Variants in ACAP2 observed in about 807,000 individuals in gnomAD.
The protein encoded by ACAP2 is arf-GAP with coiled-coil, ANK repeat and PH domain-containing protein 2.
Under a neutral mutation model 115.8 loss-of-function variants are expected in ACAP2, and 39 were observed. That is an observed-to-expected ratio of 0.34 (90% CI 0.26 to 0.44). The LOEUF is 0.44. Ranked by LOEUF, ACAP2 falls within the 20% of genes least tolerant of loss-of-function variation. ACAP2 has a pLI of 1.00. For synonymous variants in ACAP2, 289 were observed against 315.8 expected (o/e 0.92, Z 0.90); for missense variants, 662 against 927.6 (o/e 0.71, Z 3.72).
intron 1 of ACAP2, among the ~76,000 whole-genome samples, chr3:195,408,548 C>A (rs1712983330): frequency 6.6e-6 from 1 of 152,158 alleles, no homozygotes; most frequent in Admixed American, 6.5e-5. Flanking sequence ...CTTACACCAA[C>A]CCTTCTCAGA....
At chr3:195,436,705 A>G (rs1374175905) in intron 1 of ACAP2, among the ~76,000 whole-genome samples, 1 of 152,222 alleles carries the variant, frequency 6.6e-6, no homozygotes, top group Non-Finnish European at 1.5e-5. Context: ...ATTGAAGAAA[A>G]AAGTACTGTA....
intron 10 of ACAP2, among the ~76,000 whole-genome samples, chr3:195,317,376 TCATTA>T (rs1729164857): frequency 6.6e-6 from 1 of 152,210 alleles, no homozygotes; most frequent in Non-Finnish European, 1.5e-5. Flanking sequence ...ACAACCTTCA[TCATTA>T]AATTCATATT....
chr3:195,440,832 C>T (rs191287601), intron 1 of ACAP2, among the ~76,000 whole-genome samples: 185 of 152,140 alleles, frequency 1.2e-3, no homozygotes, highest in Admixed American at 3.3e-3. Flanking sequence ...TAATTTGTCC[C>T]CAAAATGTAT....
At chr3:195,282,608 T>C (rs1156382909) in intron 22 of ACAP2, 4 of 152,242 alleles carry the variant, frequency 2.6e-5, no homozygotes. Flanking sequence ...AAGGCAAATA[T>C]AATTTGTCTA....
At chr3:195,388,274 T>A (rs1449919245) in intron 2 of ACAP2, among the ~76,000 whole-genome samples, 3 of 152,286 alleles carry the variant, frequency 2.0e-5, no homozygotes, top group African/African-American at 7.2e-5. Context: ...AGTACTTGGC[T>A]GAGATTTAAA....
chr3:195,391,228 CTTT>C (rs1186667963), intron 2 of ACAP2, among the ~76,000 whole-genome samples: 2 of 129,884 alleles, frequency 1.5e-5, no homozygotes, highest in African/African-American at 2.8e-5. Context: ...GCTTCTCTTT[CTTT>C]TTTTTTTTTT....
Position 195,314,079 on chromosome 3 carries a change from C to T in ACAP2, c.858-5242G>A, listed in dbSNP as rs1031056897. 1.5e-4 allele frequency among the ~76,000 whole-genome samples: 23 copies of T among 152,004 alleles called. 1 individual carries two copies. Among genetic ancestry groups the T allele is most frequent in the Admixed American group, 6.6e-4 (10 of 15,252 alleles). ...AAAATATTATCTATTCACTTAAATT[C>T]CAGATTTTGGAATGACCTGAAATAC... On this transcript the variant is annotated intron_variant, in intron 10 of 22. Coordinates refer to ENST00000326793, the MANE Select transcript of ACAP2 (RefSeq NM_012287.6).
At chr3:195,386,591 A>G (rs974645692) in intron 2 of ACAP2, among the ~76,000 whole-genome samples, 2 of 152,136 alleles carry the variant, frequency 1.3e-5, no homozygotes, top group Non-Finnish European at 2.9e-5. Flanking sequence ...GAGTTGAACA[A>G]TGAGAAAACA....
At chr3:195,411,663 G>A (rs1176406863) in intron 1 of ACAP2, among the ~76,000 whole-genome samples, 1 of 152,038 alleles carries the variant, frequency 6.6e-6, no homozygotes, top group Non-Finnish European at 1.5e-5. Context: ...CCTAGTACAG[G>A]CCAATTCCAA....
At chr3:195,306,971 C>T (rs1289095476) in intron 12 of ACAP2, 1 of 366,940 alleles carries the variant, frequency 2.7e-6, no homozygotes, top group Non-Finnish European at 4.8e-6. Context: ...TTCAATTCAT[C>T]ATAATAGCTA....
chr3:195,350,649 G>GAA (rs201607071), intron 4 of ACAP2, among the ~76,000 whole-genome samples: 1,831 of 131,740 alleles, frequency 0.014, 32 homozygotes, highest in African/African-American at 0.044. Context: ...ACTGTCTCAG[G>GAA]AAAAAAAAAA....
chr3:195,367,420 T>G (rs938760866), intron 4 of ACAP2, among the ~76,000 whole-genome samples: 10 of 152,258 alleles, frequency 6.6e-5, no homozygotes, highest in Admixed American at 5.9e-4. Context: ...AATAAAACTC[T>G]GGGGGAATGG....
chr3:195,415,418 G>A (rs539355792), intron 1 of ACAP2, among the ~76,000 whole-genome samples: 9 of 151,640 alleles, frequency 5.9e-5, no homozygotes, highest in Admixed American at 6.6e-5. Flanking sequence ...CTGGGACTAC[G>A]GGCGTGCACC....
chr3:195,438,777 T>C (rs1715778571), intron 1 of ACAP2, among the ~76,000 whole-genome samples: 1 of 152,172 alleles, frequency 6.6e-6, no homozygotes, highest in Non-Finnish European at 1.5e-5. Flanking sequence ...GAATCGTATC[T>C]AGCCGGGCAT....
At chr3:195,368,855 G>C (rs927278284) in intron 4 of ACAP2, among the ~76,000 whole-genome samples, 1 of 152,138 alleles carries the variant, frequency 6.6e-6, no homozygotes, top group Non-Finnish European at 1.5e-5. Context: ...AGGCCAAGGC[G>C]GGTGAATCAC....
intron 6 of ACAP2, among the ~76,000 whole-genome samples, chr3:195,337,964 T>TGGGGCCACTCCCACCTCAACCTGAGCCC (rs1730621664): frequency 6.7e-6 from 1 of 149,178 alleles, no homozygotes; most frequent in African/African-American, 2.5e-5. Context: ...AACCTGAGCC[T>TGGGGCCACTCCCACCTCAACCTGAGCCC]GGGGCCACTC....
intron 20 of ACAP2, among the ~76,000 whole-genome samples, chr3:195,289,803 CAA>C (rs35498756): frequency 3.4e-4 from 38 of 111,954 alleles, no homozygotes; most frequent in Admixed American, 1.5e-3. Flanking sequence ...GACTCCGTCT[CAA>C]AAAAAAAAAA....
intron 2 of ACAP2, among the ~76,000 whole-genome samples, chr3:195,382,549 T>C (rs1442799991): frequency 6.6e-6 from 1 of 152,060 alleles, no homozygotes; most frequent in Non-Finnish European, 1.5e-5. Context: ...TCTCCTTTCT[T>C]TCAGACACAG....
intron 4 of ACAP2, among the ~76,000 whole-genome samples, chr3:195,380,488 A>G (rs1733871535): frequency 6.6e-6 from 1 of 152,196 alleles, no homozygotes; most frequent in African/African-American, 2.4e-5. Context: ...TTTGTAAAGG[A>G]ATTTTGTGAC....
Sources: gnomAD v4.1 joint callset for allele counts (sites outside exome capture counted in the v4.1 genomes callset) on GRCh38, gnomAD v4.1.1 for gene constraint, MANE v1.5 for transcripts, NCBI Gene and HGNC (gene_info 2026-07-23, HGNC 2026-07-21) for gene names.